PRKG1: variants seen among roughly 807,000 people sequenced by gnomAD.
The protein encoded by PRKG1 is cGMP-dependent protein kinase 1.
Under a neutral mutation model 88.1 loss-of-function variants are expected in PRKG1, and 35 were observed. The ratio of observed to expected loss-of-function variants is 0.40; its 90% CI spans 0.30 to 0.53. PRKG1 has a LOEUF of 0.53. PRKG1 is among the 20% of genes least tolerant of loss of function. The pLI, the probability that PRKG1 is intolerant of heterozygous loss-of-function variation, is 0.59. For missense variants in PRKG1, 540 were observed against 839.8 expected, an observed-to-expected ratio of 0.64 and a Z score of 4.41; for synonymous variants, 303 against 292.5, an observed-to-expected ratio of 1.04 and a Z score of -0.37.
At chr10:51,107,251 G>A (rs1399242194) in intron 1 of PRKG1, among the ~76,000 whole-genome samples, 1 of 152,118 alleles carries the variant, frequency 6.6e-6, no homozygotes, top group African/African-American at 2.4e-5. Flanking sequence ...AAGGTAAGGA[G>A]TTGGGTAGAC....
intron 9 of PRKG1, among the ~76,000 whole-genome samples, chr10:52,170,325 G>T (rs60995569): frequency 0.21 from 32,438 of 151,950 alleles, 5,449 homozygotes; most frequent in African/African-American, 0.46. Context: ...CATATTCTCT[G>T]CCTTGTCCCC....
At position 52,158,606 on chromosome 10, in the gene PRKG1, T is replaced by C. The variant is rs187058597; in HGVS notation, c.1002-3283T>C. ...GTGGCAGTCATTTGGAACTTAATAA[T>C]ATTACTTGAAAATTCTATATTTTCT... On this transcript the variant is annotated intron_variant, in intron 8 of 17. Transcript: ENST00000373980. Among the ~76,000 whole-genome samples the C allele has an allele frequency of 3.1e-3, 477 of 151,786 alleles. 6 individuals are homozygous for C. The highest frequency in any genetic ancestry group is 3.0e-3 in the Admixed American group (46 of 15,212).
chr10:52,241,619 A>G (rs1484691606), intron 9 of PRKG1, among the ~76,000 whole-genome samples: 2 of 152,180 alleles, frequency 1.3e-5, no homozygotes, highest in Admixed American at 1.3e-4. Flanking sequence ...AAGTTATGCA[A>G]AATTCATCAG....
chr10:52,017,889 T>G (rs975490884), intron 5 of PRKG1, among the ~76,000 whole-genome samples: 1 of 152,186 alleles, frequency 6.6e-6, no homozygotes, highest in African/African-American at 2.4e-5. Flanking sequence ...TATAAAGATC[T>G]TATTCATATA....
At chr10:51,471,894 G>A (rs1400257124) in intron 3 of PRKG1, among the ~76,000 whole-genome samples, 1 of 151,798 alleles carries the variant, frequency 6.6e-6, no homozygotes, top group Non-Finnish European at 1.5e-5. Flanking sequence ...GAACGTCTAT[G>A]GTGGGTGTGG....
At chr10:51,374,112 A>ATATATATATATATATATATATATATATG (rs886440031) in intron 2 of PRKG1, among the ~76,000 whole-genome samples, 1 of 143,804 alleles carries the variant, frequency 7.0e-6, no homozygotes, top group African/African-American at 2.5e-5. Context: ...ATATATATAT[A>ATATATATATATATATATATATATATATG]TGTACTTTAA....
At position 51,908,725 on chromosome 10, in the gene PRKG1, C is replaced by CTATCTATCTATCTATATATATATATA. The variant is rs1299574623; in HGVS notation, c.762+1158_762+1159insCTATCTATCTATATATATATATATAT. On this transcript the variant is annotated intron_variant, in intron 5 of 17. Coordinates refer to ENST00000373980, the MANE Select transcript of PRKG1 (RefSeq NM_006258.4). ...TCTCTCTCTCTCTCTGTCTATCTAT[C>CTATCTATCTATCTATATATATATATA]TATATGTAATTTTTTTTTTTTTGAG... 8 of 60,634 alleles carry CTATCTATCTATCTATATATATATATA rather than the reference C, an allele frequency of 1.3e-4. 1 individual carries two copies. The highest frequency in any genetic ancestry group is 9.9e-4 in the East Asian group (2 of 2,012). 3.8% of individuals were successfully genotyped at this position (60,634 alleles called of 1,614,324 possible). A position where few individuals can be genotyped will look rare whatever the true frequency, so the allele number is the denominator to read the frequency against.
intron 4 of PRKG1, among the ~76,000 whole-genome samples, chr10:51,815,123 A>T (rs1000945155): frequency 1.3e-5 from 2 of 152,278 alleles, no homozygotes; most frequent in Non-Finnish European, 1.5e-5. Context: ...CACTATCTCC[A>T]TAAGAATACT....
chr10:52,120,449 T>C (rs1190496418), intron 7 of PRKG1, among the ~76,000 whole-genome samples: 3 of 152,196 alleles, frequency 2.0e-5, no homozygotes, highest in Admixed American at 6.5e-5. Context: ...ACTCAAGGCA[T>C]GATTCATTTT....
intron 2 of PRKG1, among the ~76,000 whole-genome samples, chr10:51,366,651 A>G (rs1842596069): frequency 6.6e-6 from 1 of 151,950 alleles, no homozygotes; most frequent in Admixed American, 6.6e-5. Context: ...AAATTCATAG[A>G]ACTAAGACAC....
At chr10:51,769,067 G>T (rs548733366) in intron 3 of PRKG1, among the ~76,000 whole-genome samples, 3 of 152,204 alleles carry the variant, frequency 2.0e-5, no homozygotes, top group Non-Finnish European at 2.9e-5. Flanking sequence ...GTTTGTTCTG[G>T]GTGATTTCAA....
intron 2 of PRKG1, among the ~76,000 whole-genome samples, chr10:51,359,549 A>G (rs942407038): frequency 1.3e-5 from 2 of 151,910 alleles, no homozygotes; most frequent in African/African-American, 4.8e-5. Flanking sequence ...TATTGAATTC[A>G]GATTTATTTA....
At chr10:51,730,123 A>G (rs1349458749) in intron 3 of PRKG1, among the ~76,000 whole-genome samples, 3 of 152,132 alleles carry the variant, frequency 2.0e-5, no homozygotes, top group Admixed American at 2.0e-4. Context: ...TGTGGTGAAA[A>G]TGAAATCTGA....
At chr10:52,192,203 C>T (rs976765610) in intron 9 of PRKG1, among the ~76,000 whole-genome samples, 13 of 152,098 alleles carry the variant, frequency 8.5e-5, no homozygotes, top group African/African-American at 3.1e-4. Context: ...CTTCTTGATA[C>T]AGCCTGTTAG....
intron 9 of PRKG1, chr10:52,231,531 A>T (rs1198450072): frequency 6.6e-6 from 1 of 152,248 alleles, no homozygotes; most frequent in African/African-American, 2.4e-5. Context: ...CTTAGGGCTT[A>T]GATTAATGAC....
intron 10 of PRKG1, among the ~76,000 whole-genome samples, chr10:52,254,366 A>C (rs1214946734): frequency 2.6e-5 from 4 of 152,082 alleles, no homozygotes; most frequent in Non-Finnish European, 5.9e-5. Context: ...ATATTTATGT[A>C]CACAGTGCTC....
intron 3 of PRKG1, among the ~76,000 whole-genome samples, chr10:51,623,569 A>G (rs1381860723): frequency 1.3e-5 from 2 of 152,078 alleles, no homozygotes; most frequent in African/African-American, 4.8e-5. Context: ...TTAGCTTGGT[A>G]CAGGTTATGT....
chr10:52,201,386 G>C (rs1002601810), intron 9 of PRKG1, among the ~76,000 whole-genome samples: 11 of 151,942 alleles, frequency 7.2e-5, no homozygotes, highest in African/African-American at 2.7e-4. Context: ...TTATTTCTGG[G>C]CTTTTATTCC....
chr10:51,713,960 T>A (rs1841822632), intron 3 of PRKG1, among the ~76,000 whole-genome samples: 1 of 152,122 alleles, frequency 6.6e-6, no homozygotes, highest in Admixed American at 6.5e-5. Context: ...CTGTTGTTTT[T>A]ATTTATTTTT....
Sources: gnomAD v4.1 joint callset for allele counts (sites outside exome capture counted in the v4.1 genomes callset) on GRCh38, gnomAD v4.1.1 for gene constraint, MANE v1.5 for transcripts, NCBI Gene and HGNC (gene_info 2026-07-23, HGNC 2026-07-21) for gene names.